Variants in ABL1 observed in about 807,000 individuals in gnomAD.
The protein encoded by ABL1 is tyrosine-protein kinase ABL1.
Under a neutral mutation model 94.7 loss-of-function variants are expected in ABL1, and 11 were observed. The ratio of observed to expected loss-of-function variants is 0.12; its 90% CI spans 0.07 to 0.19. ABL1 has a LOEUF of 0.19. Among genes scored for constraint, ABL1 ranks in the 10% least tolerant of loss-of-function variants. ABL1 has a pLI of 1.00. For synonymous variants in ABL1, 656 were observed against 622.4 expected, an observed-to-expected ratio of 1.05 and a Z score of -0.80; for missense variants, 1,082 against 1,489.4, an observed-to-expected ratio of 0.73 and a Z score of 4.50.
intron 4 of ABL1, among the ~76,000 whole-genome samples, chr9:130,868,162 G>T (rs543158764): frequency 1.3e-5 from 2 of 152,196 alleles, no homozygotes; most frequent in South Asian, 4.2e-4. Flanking sequence ...GTTTCACCAT[G>T]TTAGCCAGGA....
At chr9:130,865,866 A>G (rs1267371033) in intron 4 of ABL1, among the ~76,000 whole-genome samples, 2 of 151,828 alleles carry the variant, frequency 1.3e-5, no homozygotes, top group African/African-American at 2.4e-5. Context: ...TGTGCTTACT[A>G]CATGTCGCAT....
chr9:130,874,757 A>G (rs1831313010), intron 6 of ABL1, 111 bp from the exon 7 acceptor site: 1 of 1,178,604 alleles, frequency 8.5e-7, no homozygotes, highest in Non-Finnish European at 1.2e-6. Context: ...CTTCCAGGGC[A>G]TTGGACTCAA....
At chr9:130,766,438 G>T (rs1226414640) in intron 1 of ABL1, among the ~76,000 whole-genome samples, 1 of 152,202 alleles carries the variant, frequency 6.6e-6, no homozygotes, top group Non-Finnish European at 1.5e-5. Flanking sequence ...GAGCTGGAGG[G>T]TGCAGGTACT....
At chr9:130,753,271 C>G (rs1831991184) in intron 1 of ABL1, among the ~76,000 whole-genome samples, 1 of 151,910 alleles carries the variant, frequency 6.6e-6, no homozygotes, top group African/African-American at 2.4e-5. Flanking sequence ...AAAAGAACAC[C>G]CTTGGTAGCT....
At chr9:130,756,183 G>A (rs994847959) in intron 1 of ABL1, among the ~76,000 whole-genome samples, 2 of 152,136 alleles carry the variant, frequency 1.3e-5, no homozygotes, top group African/African-American at 4.8e-5. Flanking sequence ...GATTTAGAAA[G>A]GCAGTTGACT....
chr9:130,872,811 C>G lies in ABL1; in HGVS notation c.908-49C>G. 6.4e-7 allele frequency: 1 copy of G among 1,554,674 alleles called. No individual in the cohort carries two copies. ...CTTTTTCTTTAGACAGTTGTTTGTTCAGTTGGGAGCGGAGCCACGTGTTGA... is the reference window on the plus strand; with the variant it reads ...CTTTTTCTTTAGACAGTTGTTTGTTGAGTTGGGAGCGGAGCCACGTGTTGA... On this transcript the variant is annotated intron_variant, in intron 5 of 10. Coordinates refer to ENST00000318560, the MANE Select transcript of ABL1 (RefSeq NM_005157.6). This position sits in a 1 kb window ranked among gnomAD's most constrained non-coding sequence, Gnocchi z 5.0.
intron 1 of ABL1, among the ~76,000 whole-genome samples, chr9:130,796,845 G>A (rs1479217275): frequency 3.4e-5 from 5 of 148,788 alleles, no homozygotes; most frequent in African/African-American, 1.3e-4. Flanking sequence ...ACTTGAACCC[G>A]GGAGGTAGAG....
chr9:130,841,402 G>A (rs957037648), intron 1 of ABL1, among the ~76,000 whole-genome samples: 18 of 151,776 alleles, frequency 1.2e-4, no homozygotes, highest in African/African-American at 3.6e-4. Flanking sequence ...CCACTGCACC[G>A]GGCCAAAAAT....
At chr9:130,844,121 CTCT>C (rs1830720559) in intron 1 of ABL1, among the ~76,000 whole-genome samples, 1 of 152,204 alleles carries the variant, frequency 6.6e-6, no homozygotes, top group Admixed American at 6.5e-5. Flanking sequence ...AGCCCATGCT[CTCT>C]TCTGCCTCTC....
intron 1 of ABL1, among the ~76,000 whole-genome samples, chr9:130,827,973 A>G (rs990808655): frequency 1.3e-5 from 2 of 151,578 alleles, no homozygotes; most frequent in African/African-American, 2.4e-5. Flanking sequence ...TTAAAAAAAA[A>G]AGAACTATTC....
chr9:130,803,680 T>G (rs967167797), intron 1 of ABL1, among the ~76,000 whole-genome samples: 1 of 152,214 alleles, frequency 6.6e-6, no homozygotes, highest in Non-Finnish European at 1.5e-5. Context: ...AAACAAATTC[T>G]GATTTCACTT....
chr9:130,858,688 C>T (rs3824400), intron 3 of ABL1, among the ~76,000 whole-genome samples: 33,938 of 152,070 alleles, frequency 0.22, 5,336 homozygotes, highest in African/African-American at 0.45. Context: ...AGCAGAACTT[C>T]GATGCAATCC....
At chr9:130,861,081 C>G (rs1588271809) in intron 3 of ABL1, among the ~76,000 whole-genome samples, 1 of 152,168 alleles carries the variant, frequency 6.6e-6, no homozygotes, top group Non-Finnish European at 1.5e-5. Context: ...GGCTTCTCTT[C>G]CGTGCTCTCA....
intron 4 of ABL1, among the ~76,000 whole-genome samples, chr9:130,864,039 A>C (rs963676562): frequency 6.6e-6 from 1 of 152,162 alleles, no homozygotes; most frequent in Non-Finnish European, 1.5e-5. Context: ...CCTTCACCCA[A>C]AGGCATAGTG....
Position 130,854,224 on chromosome 9 carries a change from A to G in ABL1, c.240A>G (p.Leu80=). 1 of 1,613,710 alleles carries G rather than the reference A, an allele frequency of 6.2e-7. No homozygotes were observed. Residue 80 remains leucine, a synonymous_variant, in exon 2 of 11, where the codon CTA becomes CTG. Transcript: ENST00000318560. ...YDFVASGDNT[L]SITKGEKLRV... is the part of the protein sequence containing the mutation. ...TTGTGGCCAGTGGAGATAACACTCT[A>G]AGCATAACTAAAGGTAAAAGGGTTG...
chr9:130,879,915 C>T (rs878991238), intron 8 of ABL1, among the ~76,000 whole-genome samples, 153 bp from the exon 9 acceptor site: 2 of 152,222 alleles, frequency 1.3e-5, no homozygotes, highest in South Asian at 4.1e-4. Context: ...TATAACAGGA[C>T]ATGATGACAT....
Position 130,863,334 on chromosome 9 carries a change from G to T in ABL1, c.822+299G>T, listed in dbSNP as rs914979445. On this transcript the variant is annotated intron_variant, in intron 4 of 10. Coordinates refer to ENST00000318560, the MANE Select transcript of ABL1 (RefSeq NM_005157.6). This position sits in a 1 kb window ranked among gnomAD's most constrained non-coding sequence, Gnocchi z 4.3. ...TTTATGGCAAGGTTCTTTTAAAGCC[G>T]TGGATTTCCATGCTGTTCGTGCGGC... is the stretch of plus-strand genomic sequence containing the variant. Among the ~76,000 whole-genome samples the T allele has an allele frequency of 6.6e-6, 1 of 152,152 alleles. No individual in the cohort carries two copies. Among genetic ancestry groups the T allele is most frequent in the South Asian group, 2.1e-4 (1 of 4,826 alleles).
chr9:130,871,431 T>G (rs1831250554), intron 4 of ABL1, among the ~76,000 whole-genome samples: 1 of 152,198 alleles, frequency 6.6e-6, no homozygotes, highest in Non-Finnish European at 1.5e-5. Flanking sequence ...CCCTTGGCAT[T>G]TAGATACCAT....
At chr9:130,730,411 C>G (rs1434736297) in intron 1 of ABL1, among the ~76,000 whole-genome samples, 2 of 152,120 alleles carry the variant, frequency 1.3e-5, no homozygotes, top group Non-Finnish European at 2.9e-5. Flanking sequence ...TTAATTTGCT[C>G]TTCTTTGATG....
Sources: gnomAD v4.1 joint callset for allele counts (sites outside exome capture counted in the v4.1 genomes callset) on GRCh38, gnomAD v4.1.1 for gene constraint, Gnocchi (gnomAD v3.1) non-coding constraint, MANE v1.5 for transcripts, NCBI Gene and HGNC (gene_info 2026-07-23, HGNC 2026-07-21) for gene names.